Variants in FAM184B observed in about 807,000 individuals in gnomAD.
FAM184B encodes the protein family with sequence similarity 184 member B.
FAM184B carries 111 observed loss-of-function variants against 135.9 expected under a neutral mutation model. The observed-to-expected ratio is 0.82, with a 90% confidence interval of 0.70 to 0.96. FAM184B has a LOEUF of 0.96. Ranked by LOEUF, FAM184B falls within the 40% of genes least tolerant of loss-of-function variation. The pLI, the probability that FAM184B is intolerant of heterozygous loss-of-function variation, is 0.00. For synonymous variants in FAM184B, 552 were observed against 524.8 expected, an observed-to-expected ratio of 1.05 and a Z score of -0.71; for missense variants, 1,375 against 1,323.9, an observed-to-expected ratio of 1.04 and a Z score of -0.60.
intron 7 of FAM184B, among the ~76,000 whole-genome samples, chr4:17,681,384 GCCCTGCCCT>G (rs1223249440): frequency 9.9e-5 from 15 of 152,168 alleles, no homozygotes; most frequent in Admixed American, 2.0e-4. Flanking sequence ...TAGGCAGGTG[GCCCTGCCCT>G]ACACTGTCTT....
intron 1 of FAM184B, among the ~76,000 whole-genome samples, chr4:17,729,463 T>C (rs1470898886): frequency 6.6e-6 from 1 of 152,184 alleles, no homozygotes; most frequent in African/African-American, 2.4e-5. Context: ...AAGCGGGTCC[T>C]TGACCCCCGA....
rs901561892 is a variant in FAM184B, at chr4:17,709,052, C to T, written c.734G>A (p.Trp245Ter). The T allele has an allele frequency of 2.6e-6, 4 of 1,550,492 alleles. No individual in the cohort carries two copies. The Admixed American group carries it at 5.9e-5, about 23-fold the overall frequency. The part of the protein sequence containing the change: ...AMQQSVSQAL[W>*]QWQEKESDLR... ...GTCCGACTCCTTCTCCTGCCACTGC[C>T]ACAGGGCCTGGCTCACCGACTGCTG... is the stretch of plus-strand genomic sequence containing the variant. The change falls in exon 2 of 18, where the codon TGG becomes TAG. Residue 245 changes from tryptophan (W) to a stop codon, truncating the protein, a stop_gained. Coordinates refer to ENST00000265018, the MANE Select transcript of FAM184B (RefSeq NM_015688.2). LOFTEE classifies it high-confidence loss of function.
intron 1 of FAM184B, among the ~76,000 whole-genome samples, chr4:17,732,759 A>G (rs942367349): frequency 6.6e-6 from 1 of 152,246 alleles, no homozygotes; most frequent in Non-Finnish European, 1.5e-5. Context: ...CCAGAGGTAC[A>G]AGGAGGAGCT....
intron 1 of FAM184B, among the ~76,000 whole-genome samples, chr4:17,776,817 A>G (rs192325050): frequency 4.7e-4 from 72 of 152,282 alleles, no homozygotes; most frequent in African/African-American, 1.7e-3. Flanking sequence ...GGAAACTTCA[A>G]GAGGAAAGCT....
chr4:17,751,254 G>A (rs1210042310), intron 1 of FAM184B, among the ~76,000 whole-genome samples: 1 of 140,464 alleles, frequency 7.1e-6, no homozygotes, highest in Non-Finnish European at 1.5e-5. Context: ...GTTGCAGTAA[G>A]AGGAGATCCC....
intron 2 of FAM184B, among the ~76,000 whole-genome samples, chr4:17,708,661 A>C (rs575220057): frequency 1.5e-5 from 1 of 66,296 alleles, no homozygotes; most frequent in Admixed American, 2.2e-4. Flanking sequence ...AAGGAAACAA[A>C]ACTATATATA....
Position 17,633,709 on chromosome 4 carries a change from T to C in FAM184B, c.3069A>G (p.Thr1023=), listed in dbSNP as rs1715034794. The C allele has an allele frequency of 6.5e-7, 1 of 1,545,702 alleles. No homozygotes were observed. Among genetic ancestry groups the C allele is most frequent in the South Asian group, 1.2e-5 (1 of 83,274 alleles). ...CAAACCTTGTGGCAGTTTTTGCATC[T>C]GTAGACTGGTTGGGTTTGTAGGTCC... is the stretch of plus-strand genomic sequence containing the variant. ...CGRTYKPNQS[T]DAKTATRTPD... Residue 1023 remains threonine, a synonymous_variant, in exon 17 of 18, where the codon ACA becomes ACG. Coordinates refer to ENST00000265018, the MANE Select transcript of FAM184B (RefSeq NM_015688.2).
intron 1 of FAM184B, among the ~76,000 whole-genome samples, chr4:17,718,906 C>A (rs1425584619): frequency 1.3e-5 from 2 of 152,218 alleles, no homozygotes; most frequent in African/African-American, 4.8e-5. Context: ...GCAGGAACAT[C>A]TGCCTAATAC....
At chr4:17,704,926 G>T in intron 5 of FAM184B, 74 bp downstream of exon 5, 2 of 1,327,988 alleles carry the variant, frequency 1.5e-6, no homozygotes, top group Non-Finnish European at 2.1e-6. Flanking sequence ...AGAAAAGAAG[G>T]AACAAAAAAG....
chr4:17,661,697 C>G (rs1443838644), intron 8 of FAM184B, among the ~76,000 whole-genome samples: 1 of 152,170 alleles, frequency 6.6e-6, no homozygotes, highest in Non-Finnish European at 1.5e-5. Flanking sequence ...AGCAGGGATA[C>G]CTGGGTCTGA....
At chr4:17,664,429 C>T in intron 8 of FAM184B, 133 bp downstream of exon 8, 1 of 659,556 alleles carries the variant, frequency 1.5e-6, no homozygotes, top group Admixed American at 2.9e-5. Context: ...ACAAGATATG[C>T]TTGTTGCCTC....
Position 17,707,794 on chromosome 4 carries a change from C to T in FAM184B, c.895-10G>A, listed in dbSNP as rs200436528. The T allele has an allele frequency of 8.4e-5, 130 of 1,551,892 alleles. No individual in the cohort carries two copies. The highest frequency in any genetic ancestry group is 4.3e-4 in the Admixed American group (22 of 51,002). On this transcript the variant is annotated splice_polypyrimidine_tract_variant and intron_variant, in intron 2 of 17. Coordinates refer to ENST00000265018, the MANE Select transcript of FAM184B (RefSeq NM_015688.2). The stretch of plus-strand genomic sequence containing the variant: ...GCTGCACATCCAGGTCCTAAACAGA[C>T]AGGAAGGGTCCCATTTCTCTGGTTA...
At position 17,652,981 on chromosome 4, in the gene FAM184B, G is replaced by A. The variant is rs1715667993; in HGVS notation, c.2040C>T (p.Ala680=). Residue 680 remains alanine, a splice_region_variant and synonymous_variant, in exon 11 of 18, where the codon GCC becomes GCT. Transcript: ENST00000265018. ...LEKARHQELK[A]TEERLKKESS... ...ATTCCTTCTTCAAGCGTTCCTCTGT[G>A]GCCTGTGGGAAAAAGTGGGAACAAG... is the stretch of plus-strand genomic sequence containing the variant. The A allele has an allele frequency of 6.4e-7, 1 of 1,551,444 alleles. No homozygotes were observed. The highest frequency in any genetic ancestry group is 1.4e-5 in the African/African-American group (1 of 73,010).
chr4:17,693,306 A>C lies in FAM184B; in HGVS notation c.1484T>G (p.Leu495Arg), dbSNP rs1231054895. The change falls in exon 6 of 18, where the codon CTT (leucine) becomes CGT (arginine). Residue 495 changes from leucine (L) to arginine (R), a missense_variant. Transcript: ENST00000265018. ...ALNVKLQNSL[L>R]EVLRLEEFIQ... ...TTGCATTTGGTCAGGGCTCACCTCA[A>C]GCAGAGAATTCTGAAGCTTCACATT... 2.6e-6 allele frequency: 4 copies of C among 1,550,912 alleles called. No individual in the cohort carries two copies. Among genetic ancestry groups the C allele is most frequent in the Non-Finnish European group, 3.5e-6 (4 of 1,146,348 alleles).
intron 13 of FAM184B, 55 bp downstream of exon 13, chr4:17,642,001 G>T (rs1715331762): frequency 1.4e-6 from 2 of 1,473,554 alleles, no homozygotes; most frequent in Non-Finnish European, 1.8e-6. Context: ...GGGAGGGGGG[G>T]TGGCGGGGTA....
intron 1 of FAM184B, among the ~76,000 whole-genome samples, chr4:17,742,792 A>G (rs1039752582): frequency 2.0e-5 from 3 of 152,118 alleles, no homozygotes; most frequent in Non-Finnish European, 4.4e-5. Flanking sequence ...CACCTTTCAA[A>G]CAGTTCATGT....
At chr4:17,719,644 A>C (rs1040730506) in intron 1 of FAM184B, among the ~76,000 whole-genome samples, 1 of 152,206 alleles carries the variant, frequency 6.6e-6, no homozygotes, top group Non-Finnish European at 1.5e-5. Flanking sequence ...CTATCAATAC[A>C]TAACTGTGCT....
chr4:17,739,815 C>G (rs1367138097), intron 1 of FAM184B, among the ~76,000 whole-genome samples: 2 of 151,998 alleles, frequency 1.3e-5, no homozygotes, highest in African/African-American at 4.8e-5. Flanking sequence ...CTCAGCCTTG[C>G]AAGGTGCTGG....
At chr4:17,764,748 A>G (rs1218413020) in intron 1 of FAM184B, among the ~76,000 whole-genome samples, 1 of 147,634 alleles carries the variant, frequency 6.8e-6, no homozygotes, top group Non-Finnish European at 1.5e-5. Context: ...AGTCTGCAGC[A>G]TCACCTGGGA....
Sources: gnomAD v4.1 joint callset for allele counts (sites outside exome capture counted in the v4.1 genomes callset) on GRCh38, gnomAD v4.1.1 for gene constraint, MANE v1.5 for transcripts, NCBI Gene and HGNC (gene_info 2026-07-23, HGNC 2026-07-21) for gene names.